The following STIMATE variants were observed in gnomAD, a reference collection of about 807,000 sequenced individuals.
STIMATE encodes the protein STIM activating enhancer, also known as store-operated calcium entry regulator STIMATE.
STIMATE carries 15 observed loss-of-function variants against 36.7 expected under a neutral mutation model. That is an observed-to-expected ratio of 0.41 (90% CI 0.27 to 0.63). The LOEUF (loss-of-function observed/expected upper bound fraction) is 0.63, where lower values mean the gene tolerates loss of function less well. Among genes scored for constraint, STIMATE ranks in the 20% least tolerant of loss-of-function variants. The pLI is 0.32. For missense variants in STIMATE, 305 were observed against 397.3 expected, an observed-to-expected ratio of 0.77 and a Z score of 1.98; for synonymous variants, 163 against 162.3, an observed-to-expected ratio of 1.00 and a Z score of -0.03.
chr3:52,855,428 T>C lies in STIMATE; in HGVS notation c.177A>G (p.Glu59=). The C allele has an allele frequency of 2.5e-6, 4 of 1,613,738 alleles. No homozygotes were observed. Among genetic ancestry groups the C allele is most frequent in the Middle Eastern group, 1.6e-4 (1 of 6,062 alleles). ...FSTLMLKRFR[E]PKHERRPWRI... is the part of the protein sequence containing the mutation. ...TCCACGGACGTCTTTCATGCTTTGG[T>C]TCTCTGAAGCGTTTGACTGAAAGAA... Residue 59 remains glutamate (E), a synonymous_variant, in exon 2 of 8, where the codon GAA becomes GAG. Transcript: ENST00000355083.
chr3:52,866,856 C>A (rs940551085), intron 1 of STIMATE, among the ~76,000 whole-genome samples: 2 of 152,176 alleles, frequency 1.3e-5, no homozygotes, highest in Admixed American at 1.3e-4. Context: ...GCAGCTGCAG[C>A]CCTATTTAGA....
intron 7 of STIMATE, among the ~76,000 whole-genome samples, 167 bp from the exon 8 acceptor site, chr3:52,840,777 G>C (rs969721447): frequency 2.7e-5 from 4 of 148,640 alleles, no homozygotes; most frequent in African/African-American, 1.0e-4. Context: ...TCGCCTCACT[G>C]CAACCTCTGC....
intron 1 of STIMATE, among the ~76,000 whole-genome samples, chr3:52,859,156 C>T (rs1480351550): frequency 7.1e-6 from 1 of 139,930 alleles, no homozygotes; most frequent in Admixed American, 7.7e-5. Context: ...GAGCGAGACT[C>T]CATCTCAAAA....
chr3:52,849,585 T>C (rs960060932), intron 4 of STIMATE, among the ~76,000 whole-genome samples: 5 of 152,062 alleles, frequency 3.3e-5, no homozygotes, highest in African/African-American at 1.2e-4. Flanking sequence ...TTCCCTGCCA[T>C]AAGGTGAGGG....
At chr3:52,887,091 A>T (rs1055352658) in intron 1 of STIMATE, among the ~76,000 whole-genome samples, 9 of 152,290 alleles carry the variant, frequency 5.9e-5, no homozygotes, top group Middle Eastern at 3.4e-3. Flanking sequence ...AAAAAAAGCG[A>T]TGACAGTATT....
intron 1 of STIMATE, among the ~76,000 whole-genome samples, chr3:52,893,075 G>A (rs77110381): frequency 0.017 from 2,591 of 152,008 alleles, 73 homozygotes; most frequent in African/African-American, 0.058. Context: ...GCATGTATGT[G>A]TAGGAGGAGG....
intron 1 of STIMATE, among the ~76,000 whole-genome samples, chr3:52,890,547 C>T (rs975121784): frequency 6.6e-6 from 1 of 152,240 alleles, no homozygotes; most frequent in African/African-American, 2.4e-5. Context: ...TTGCAATGCA[C>T]AGGAGAGCCT....
intron 4 of STIMATE, among the ~76,000 whole-genome samples, chr3:52,846,902 T>C (rs1700916816): frequency 1.3e-5 from 2 of 152,084 alleles, no homozygotes; most frequent in African/African-American, 4.8e-5. Flanking sequence ...TGCTTTGTCA[T>C]TGCTGTTATT....
At chr3:52,887,719 T>C (rs1365623247) in intron 1 of STIMATE, among the ~76,000 whole-genome samples, 4 of 152,124 alleles carry the variant, frequency 2.6e-5, no homozygotes, top group African/African-American at 7.2e-5. Context: ...CACACTAGCC[T>C]GGCCTGAGGA....
intron 1 of STIMATE, among the ~76,000 whole-genome samples, chr3:52,885,092 T>A (rs1050063018): frequency 6.6e-6 from 1 of 152,232 alleles, no homozygotes; most frequent in African/African-American, 2.4e-5. Context: ...TCATCAATTT[T>A]AATTTTAGCC....
chr3:52,895,820 G>C (rs1004598382), intron 1 of STIMATE: 14 of 1,179,586 alleles, frequency 1.2e-5, no homozygotes, highest in Non-Finnish European at 1.6e-5. Context: ...TTCCTTCAGA[G>C]AGAAAGGAAG....
intron 1 of STIMATE, among the ~76,000 whole-genome samples, chr3:52,867,608 C>T (rs891292180): frequency 1.6e-4 from 25 of 152,244 alleles, no homozygotes; most frequent in African/African-American, 5.8e-4. Flanking sequence ...TCCCTGATGG[C>T]CTCATTTCTC....
intron 1 of STIMATE, among the ~76,000 whole-genome samples, chr3:52,879,109 G>C (rs904365021): frequency 3.9e-5 from 6 of 152,188 alleles, no homozygotes; most frequent in Non-Finnish European, 7.4e-5. Context: ...CATGATACTA[G>C]AATTATTAAA....
At chr3:52,850,047 A>C (rs1194571385) in intron 3 of STIMATE, 134 bp from the exon 4 acceptor site, 4 of 1,410,478 alleles carry the variant, frequency 2.8e-6, no homozygotes, top group Non-Finnish European at 3.7e-6. Flanking sequence ...GGGAGCCCTC[A>C]TGTGCCAGTG....
chr3:52,858,401 T>C (rs796399669), intron 1 of STIMATE, among the ~76,000 whole-genome samples: 9 of 152,082 alleles, frequency 5.9e-5, no homozygotes, highest in African/African-American at 2.2e-4. Context: ...AAGGAGTGGA[T>C]TGCTTGAGCC....
chr3:52,853,122 AT>A (rs892653291), intron 2 of STIMATE, among the ~76,000 whole-genome samples: 1 of 152,172 alleles, frequency 6.6e-6, no homozygotes, highest in Non-Finnish European at 1.5e-5. Context: ...AGCTGCTGCC[AT>A]TTAAACAATG....
intron 1 of STIMATE, among the ~76,000 whole-genome samples, chr3:52,856,554 C>A (rs995735831): frequency 6.6e-6 from 1 of 152,038 alleles, no homozygotes; most frequent in East Asian, 1.9e-4. Context: ...TGTGGTGGCG[C>A]ACACCTCTGG....
At chr3:52,847,132 G>C (rs1700921807) in intron 4 of STIMATE, 2 of 776,666 alleles carry the variant, frequency 2.6e-6, no homozygotes, top group East Asian at 1.2e-4. Flanking sequence ...CTGGTCTTAA[G>C]CTCCTGGGCT....
chr3:52,864,438 C>A (rs1278656250), intron 1 of STIMATE, among the ~76,000 whole-genome samples: 1 of 152,142 alleles, frequency 6.6e-6, no homozygotes, highest in Non-Finnish European at 1.5e-5. Context: ...AGGGACCTGA[C>A]CCACGAAACC....
Sources: allele counts gnomAD v4.1 joint callset (sites outside exome capture counted in the v4.1 genomes callset), GRCh38; gene constraint gnomAD v4.1.1; transcripts MANE v1.5; gene names NCBI Gene and HGNC (gene_info 2026-07-23, HGNC 2026-07-21).